Variants in DPF2 observed in about 807,000 individuals in gnomAD.
DPF2 encodes the protein zinc finger protein ubi-d4.
Under a neutral mutation model 59.6 loss-of-function variants are expected in DPF2, and 10 were observed. That is an observed-to-expected ratio of 0.17 (90% confidence interval 0.10 to 0.28). The LOEUF (loss-of-function observed/expected upper bound fraction) is 0.28, where lower values mean the gene tolerates loss of function less well. Ranked by LOEUF, DPF2 falls within the 10% of genes least tolerant of loss-of-function variation. DPF2 has a pLI of 1.00. For missense variants in DPF2, 315 were observed against 509.4 expected (o/e 0.62, Z 3.67); for synonymous variants, 189 against 190.6 (o/e 0.99, Z 0.07).
chr11:65,343,916 C>CG (rs1854454117), intron 5 of DPF2, 75 bp from the exon 6 acceptor site: 2 of 1,604,016 alleles, frequency 1.2e-6, no homozygotes, highest in Non-Finnish European at 1.7e-6. Flanking sequence ...GTGAGATTAG[C>CG]GGCCACTTCC....
At chr11:65,346,220 C>T (rs759255085) in intron 8 of DPF2, 27 bp from the exon 9 acceptor site, 1 of 1,611,432 alleles carries the variant, frequency 6.2e-7, no homozygotes, top group East Asian at 2.2e-5. Context: ...TTCCGACTGT[C>T]TGTCTCACTC....
chr11:65,345,769 C>G lies in DPF2; in HGVS notation c.741C>G (p.Pro247=). 1.2e-6 allele frequency: 2 copies of G among 1,614,140 alleles called. No homozygotes were observed. Among genetic ancestry groups the G allele is most frequent in the Non-Finnish European group, 1.7e-6 (2 of 1,180,032 alleles). The change falls in exon 7 of 11, where the codon CCC becomes CCG. Residue 247 remains proline (P), a synonymous_variant. Transcript: ENST00000528416. ...AGGACAAGGAAGACTCTCAACCACC[C>G]ACTCCTGTTTCCCAGAGGTCTGAGG... is the stretch of plus-strand genomic sequence containing the variant. ...EGEDKEDSQP[P]TPVSQRSEEQ...
intron 9 of DPF2, 30 bp from the exon 10 acceptor site, chr11:65,348,820 C>G (rs1280341526): frequency 6.2e-7 from 1 of 1,611,968 alleles, no homozygotes; most frequent in African/African-American, 1.3e-5. Context: ...GTTATTCAGT[C>G]CCCATCCTCT....
rs1403736740 is a variant in DPF2 at position 65,343,849 on chromosome 11, G to T, written c.558+12G>T. 1 of 1,582,960 alleles carries T rather than the reference G, an allele frequency of 6.3e-7. No individual in the cohort carries two copies. The highest frequency in any genetic ancestry group is 1.8e-5 in the Admixed American group (1 of 54,880). ...AGGGGAAATCCAAGGTGAGGGGCCA[G>T]CGTGCTGCCTGCATCTTGGGACAGG... On this transcript the variant is annotated intron_variant, in intron 5 of 10. Transcript: ENST00000528416.
chr11:65,337,504 T>TATATATATAGAGAGAGAG (rs1282367012), intron 1 of DPF2, among the ~76,000 whole-genome samples: 4 of 21,396 alleles, frequency 1.9e-4, no homozygotes, highest in Non-Finnish European at 3.2e-4. Context: ...TATATATATA[T>TATATATATAGAGAGAGAG]AGAGAGAGAG....
chr11:65,337,543 A>AGAGAGAGAGAGAGGGG (rs1449977686), intron 1 of DPF2, among the ~76,000 whole-genome samples: 1 of 137,488 alleles, frequency 7.3e-6, no homozygotes, highest in African/African-American at 2.7e-5. Context: ...AGAGAGAGAG[A>AGAGAGAGAGAGAGGGG]GAGAACAATG....
At position 65,345,311 on chromosome 11, in the gene DPF2, T is replaced by C. The variant is rs879347880; in HGVS notation, c.638-355T>C. ...CCCCCTTCCTGCCACCCCAAAGATA[T>C]AGGAATATCCTTCCCTTTCCTGACC... On this transcript the variant is annotated intron_variant, in intron 6 of 10. Coordinates refer to ENST00000528416, the MANE Select transcript of DPF2 (RefSeq NM_006268.5). 6 of 233,654 alleles carry C rather than the reference T, an allele frequency of 2.6e-5. No homozygotes were observed. The East Asian group carries it at 2.7e-4, about 11-fold the overall frequency. 14.5% of individuals were successfully genotyped at this position (233,654 alleles called of 1,614,324 possible).
intron 10 of DPF2, among the ~76,000 whole-genome samples, chr11:65,351,132 A>G (rs1054272470): frequency 2.0e-5 from 3 of 152,158 alleles, no homozygotes; most frequent in South Asian, 4.1e-4. Flanking sequence ...TTTTTGAGTC[A>G]CCTGTTTCTG....
rs1854510042 is a variant in DPF2 at position 65,345,822 on chromosome 11, A to G, written c.775+19A>G. 3 of 1,613,702 alleles carry G rather than the reference A, an allele frequency of 1.9e-6. No individual in the cohort carries two copies. Among genetic ancestry groups the G allele is most frequent in the Non-Finnish European group, 2.5e-6 (3 of 1,179,914 alleles). ...CAGAAATGTAAGCTGAGGTGTCAGA[A>G]GTGGTGGGCAAGCAGAAGTTGGCCT... is the stretch of plus-strand genomic sequence containing the variant. On this transcript the variant is annotated intron_variant, in intron 7 of 10. Coordinates refer to ENST00000528416, the MANE Select transcript of DPF2 (RefSeq NM_006268.5).
At chr11:65,340,578 G>A (rs1390406526) in intron 2 of DPF2, 33 bp downstream of exon 2, 1 of 1,610,074 alleles carries the variant, frequency 6.2e-7, no homozygotes, top group African/African-American at 1.3e-5. Context: ...AGGGGACTCA[G>A]GAGCATAAGG....
At chr11:65,342,750 C>T (rs958626375) in intron 4 of DPF2, among the ~76,000 whole-genome samples, 1 of 152,044 alleles carries the variant, frequency 6.6e-6, no homozygotes, top group African/African-American at 2.4e-5. Context: ...CGGTAGCTCA[C>T]GCCTGTAATC....
At chr11:65,340,346 C>T (rs371983211) in intron 1 of DPF2, 39 bp from the exon 2 acceptor site, 19 of 1,605,688 alleles carry the variant, frequency 1.2e-5, no homozygotes, top group East Asian at 4.5e-5. Context: ...CTATGCCCCC[C>T]GCTCCAACAT....
At chr11:65,335,736 T>C (rs1239410000) in intron 1 of DPF2, among the ~76,000 whole-genome samples, 1 of 152,188 alleles carries the variant, frequency 6.6e-6, no homozygotes, top group Non-Finnish European at 1.5e-5. Flanking sequence ...CTTCTCTTGA[T>C]TATAGTGTGC....
At position 65,353,199 on chromosome 11, in the gene DPF2, T is replaced by C. The variant is rs1456680122; in HGVS notation, c.*1440T>C. Reference sequence around the variant, plus strand: ...TCAAGTTTATAACAATTCTTTGTTATAAAGAACAATGAAGCTGTTTTGATC... The same window carrying C: ...TCAAGTTTATAACAATTCTTTGTTACAAAGAACAATGAAGCTGTTTTGATC... On this transcript the variant is annotated 3_prime_UTR_variant, in exon 11 of 11. Transcript: ENST00000528416. The C allele has an allele frequency of 6.6e-6, 1 of 152,188 alleles. No individual in the cohort carries two copies. Among genetic ancestry groups the C allele is most frequent in the East Asian group, 1.9e-4 (1 of 5,206 alleles). The allele number at this position is 152,188 out of a possible 1,614,324, so 9.4% of individuals were successfully genotyped here. A position where few individuals can be genotyped will look rare whatever the true frequency, so the allele number is the denominator to read the frequency against.
At position 65,346,240 on chromosome 11, in the gene DPF2, A is replaced by C. The variant is rs1241828460; in HGVS notation, c.905-7A>C. On this transcript the variant is annotated splice_region_variant and splice_polypyrimidine_tract_variant and intron_variant, in intron 8 of 10. Coordinates refer to ENST00000528416, the MANE Select transcript of DPF2 (RefSeq NM_006268.5). Reference sequence around the variant, plus strand: ...ACTGTCTGTCTCACTCACTTCCCCCACTACAGGGCATCCATCTTGCCTCCA... The same window carrying C: ...ACTGTCTGTCTCACTCACTTCCCCCCCTACAGGGCATCCATCTTGCCTCCA... 1.2e-6 allele frequency: 2 copies of C among 1,612,782 alleles called. No individual in the cohort carries two copies. Among genetic ancestry groups the C allele is most frequent in the African/African-American group, 1.3e-5 (1 of 74,598 alleles).
chr11:65,346,385 C>A, intron 9 of DPF2, 26 bp downstream of exon 9: 1 of 1,596,318 alleles, frequency 6.3e-7, no homozygotes, highest in Non-Finnish European at 8.5e-7. Flanking sequence ...CCCTCCTCAG[C>A]ATGGCTCCTT....
intron 9 of DPF2, chr11:65,348,582 A>G (rs1007458095): frequency 8.4e-5 from 34 of 402,812 alleles, no homozygotes; most frequent in Non-Finnish European, 1.3e-4. Flanking sequence ...CTGTCTCAAA[A>G]AAATATACCA....
intron 10 of DPF2, among the ~76,000 whole-genome samples, chr11:65,350,782 C>G (rs1854674673): frequency 6.6e-6 from 1 of 151,274 alleles, no homozygotes; most frequent in South Asian, 2.1e-4. Context: ...GGTTCAAGAC[C>G]AGCCTGGGCA....
chr11:65,349,594 G>T (rs1269529158), intron 10 of DPF2, among the ~76,000 whole-genome samples: 2 of 152,156 alleles, frequency 1.3e-5, no homozygotes, highest in Non-Finnish European at 2.9e-5. Context: ...AGGACATGGA[G>T]ACCATCCTGG....
Sources: gnomAD v4.1 joint callset for allele counts (sites outside exome capture counted in the v4.1 genomes callset) on GRCh38, gnomAD v4.1.1 for gene constraint, MANE v1.5 for transcripts, NCBI Gene and HGNC (gene_info 2026-07-23, HGNC 2026-07-21) for gene names.